DPP6: variants seen among roughly 807,000 people sequenced by gnomAD.
The protein encoded by DPP6 is A-type potassium channel modulatory protein DPP6.
DPP6 carries 69 observed loss-of-function variants against 122.6 expected under a neutral mutation model. The observed-to-expected ratio is 0.56, with a 90% CI of 0.46 to 0.69. DPP6 has a LOEUF of 0.69. Among genes scored for constraint, DPP6 ranks in the 30% least tolerant of loss-of-function variants. The pLI, the probability that DPP6 is intolerant of heterozygous loss-of-function variation, is 0.00. For missense variants in DPP6, 928 were observed against 1,116.9 expected (o/e 0.83, Z 2.41); for synonymous variants, 418 against 433.1 (o/e 0.97, Z 0.43).
the DPP6 span, among the ~76,000 whole-genome samples, chr7:153,763,012 C>T: frequency 6.6e-6 from 1 of 152,086 alleles, no homozygotes; most frequent in African/African-American, 2.4e-5. Flanking sequence ...ACTAGACTGA[C>T]AGCCGTGCAT....
the DPP6 span, among the ~76,000 whole-genome samples, chr7:153,837,543 G>A: frequency 6.6e-6 from 1 of 152,132 alleles, no homozygotes; most frequent in Admixed American, 6.6e-5. Flanking sequence ...CAGGAAACCT[G>A]TTAATTAAAA....
chr7:154,045,643 A>AAC (rs1799983711), intron 1 of DPP6, among the ~76,000 whole-genome samples: 2 of 152,366 alleles, frequency 1.3e-5, no homozygotes, highest in Non-Finnish European at 2.9e-5. Flanking sequence ...TTTATTGTGA[A>AAC]CACATTTGCA....
chr7:154,290,868 G>A lies in DPP6; in HGVS notation c.244-155346G>A, dbSNP rs534028923. On this transcript the variant is annotated intron_variant, in intron 1 of 25. Transcript: ENST00000377770. ...TGTTTGCCTTCTTACCAGACTTGGA[G>A]CCCTTCAAAGCCAAGGGCTGTCCCA... Among the ~76,000 whole-genome samples, 9 of 152,214 alleles carry A rather than the reference G, an allele frequency of 5.9e-5. No individual in the cohort carries two copies. The South Asian group carries it at 1.9e-3, about 32-fold the overall frequency.
At chr7:154,257,466 A>T (rs1585758424) in intron 1 of DPP6, among the ~76,000 whole-genome samples, 1 of 152,010 alleles carries the variant, frequency 6.6e-6, no homozygotes, top group South Asian at 2.1e-4. Flanking sequence ...AGGCTGAGGC[A>T]GGTGGATCAC....
chr7:153,937,229 A>T (rs1801489677), intron 1 of DPP6, among the ~76,000 whole-genome samples: 1 of 152,166 alleles, frequency 6.6e-6, no homozygotes, highest in South Asian at 2.1e-4. Context: ...TCCAGCTTCC[A>T]GCCTTCCAAA....
intron 7 of DPP6, among the ~76,000 whole-genome samples, chr7:154,712,279 T>G (rs1841236192): frequency 6.6e-6 from 1 of 152,238 alleles, no homozygotes; most frequent in South Asian, 2.1e-4. Flanking sequence ...CAATGAAAAC[T>G]GATTATCTTA....
intron 3 of DPP6, among the ~76,000 whole-genome samples, chr7:154,528,780 T>A (rs184937207): frequency 6.6e-6 from 1 of 152,294 alleles, no homozygotes; most frequent in Non-Finnish European, 1.5e-5. Flanking sequence ...GGAAAAGGCA[T>A]GAAAACTGTA....
At chr7:154,152,431 C>T (rs952048226) in intron 1 of DPP6, among the ~76,000 whole-genome samples, 1 of 152,188 alleles carries the variant, frequency 6.6e-6, no homozygotes, top group Non-Finnish European at 1.5e-5. Context: ...CTGTGAGCAC[C>T]TACAGAGCAG....
intron 3 of DPP6, among the ~76,000 whole-genome samples, chr7:154,503,162 A>G (rs1825392161): frequency 6.6e-6 from 1 of 152,174 alleles, no homozygotes; most frequent in Non-Finnish European, 1.5e-5. Context: ...TACAGCCTTT[A>G]TTTACACTAT....
the DPP6 span, among the ~76,000 whole-genome samples, chr7:153,771,460 C>A: frequency 3.1e-3 from 465 of 152,286 alleles, no homozygotes; most frequent in African/African-American, 0.011. Flanking sequence ...CTGCCTCAGC[C>A]TCCCAAGTAG....
intron 6 of DPP6, among the ~76,000 whole-genome samples, chr7:154,645,548 G>GA (rs1477293418): frequency 1.3e-5 from 2 of 152,072 alleles, no homozygotes; most frequent in African/African-American, 4.8e-5. Flanking sequence ...TAGAGTCAAG[G>GA]AGATCTGGGC....
intron 5 of DPP6, among the ~76,000 whole-genome samples, chr7:154,578,276 C>G (rs1352090746): frequency 6.6e-6 from 1 of 152,074 alleles, no homozygotes; most frequent in Non-Finnish European, 1.5e-5. Context: ...CACAGTAAGG[C>G]AACTCATCAT....
chr7:154,621,937 G>A (rs189502125), intron 5 of DPP6, among the ~76,000 whole-genome samples: 59 of 152,202 alleles, frequency 3.9e-4, no homozygotes, highest in Middle Eastern at 3.4e-3. Context: ...GCAAACGTGC[G>A]GCACTCAACA....
intron 1 of DPP6, among the ~76,000 whole-genome samples, chr7:154,438,395 A>G (rs575766381): frequency 1.3e-4 from 17 of 134,538 alleles, no homozygotes; most frequent in South Asian, 5.2e-4. Context: ...GCGTGAACCC[A>G]GGAGGCGGAG....
chr7:153,808,082 A>G, the DPP6 span, among the ~76,000 whole-genome samples: 2 of 152,100 alleles, frequency 1.3e-5, no homozygotes, highest in African/African-American at 2.4e-5. Context: ...ACAAATAAAA[A>G]TTGTGTATAT....
intron 1 of DPP6, among the ~76,000 whole-genome samples, chr7:154,151,911 TG>T (rs1214988282): frequency 6.6e-6 from 1 of 151,378 alleles, no homozygotes; most frequent in Non-Finnish European, 1.5e-5. Context: ...CCATCACCTT[TG>T]AGCATCACCT....
intron 1 of DPP6, among the ~76,000 whole-genome samples, chr7:153,909,355 C>T (rs187997730): frequency 6.6e-6 from 1 of 152,180 alleles, no homozygotes; most frequent in Admixed American, 6.5e-5. Context: ...CCTTCCATTC[C>T]AGAGCACTTG....
At chr7:154,167,486 G>A (rs1797312812) in intron 1 of DPP6, among the ~76,000 whole-genome samples, 1 of 152,244 alleles carries the variant, frequency 6.6e-6, no homozygotes, top group African/African-American at 2.4e-5. Flanking sequence ...GTTTGCCTGA[G>A]GCAAATGATC....
chr7:154,677,073 G>C (rs1838958588), intron 7 of DPP6, among the ~76,000 whole-genome samples: 1 of 152,016 alleles, frequency 6.6e-6, no homozygotes. Context: ...CCTCAGCCTT[G>C]GTTAATACAG....
Sources: gnomAD v4.1 joint callset for allele counts (sites outside exome capture counted in the v4.1 genomes callset) on GRCh38, gnomAD v4.1.1 for gene constraint, MANE v1.5 for transcripts, NCBI Gene and HGNC (gene_info 2026-07-23, HGNC 2026-07-21) for gene names.